Variants in PRKG1 observed in about 807,000 individuals in gnomAD.
PRKG1 encodes the protein protein kinase cGMP-dependent 1.
A neutral mutation model predicts 88.1 loss-of-function variants in PRKG1; 35 were observed. The ratio of observed to expected loss-of-function variants is 0.40; its 90% CI spans 0.30 to 0.53. The LOEUF is 0.53. Ranked by LOEUF, PRKG1 falls within the 20% of genes least tolerant of loss-of-function variation. The pLI is 0.59. For missense variants in PRKG1, 540 were observed against 839.8 expected (o/e 0.64, Z 4.41); for synonymous variants, 303 against 292.5 (o/e 1.04, Z -0.37).
intron 2 of PRKG1, among the ~76,000 whole-genome samples, chr10:51,313,469 C>T (rs1013175612): frequency 7.2e-5 from 11 of 152,038 alleles, no homozygotes; most frequent in African/African-American, 1.9e-4. Flanking sequence ...AAGATTAGAC[C>T]TCATTATCTG....
At chr10:52,205,290 C>T (rs973083851) in intron 9 of PRKG1, among the ~76,000 whole-genome samples, 3 of 152,156 alleles carry the variant, frequency 2.0e-5, no homozygotes, top group African/African-American at 7.2e-5. Context: ...TTCGTACACT[C>T]CCTCCCCTTT....
intron 2 of PRKG1, among the ~76,000 whole-genome samples, chr10:51,406,374 G>T (rs1837915569): frequency 6.6e-6 from 1 of 152,088 alleles, no homozygotes; most frequent in Non-Finnish European, 1.5e-5. Context: ...CTTCCTCATT[G>T]CTGTACTATC....
chr10:52,166,914 C>CAT (rs1838491133), intron 9 of PRKG1, among the ~76,000 whole-genome samples: 1 of 134,480 alleles, frequency 7.4e-6, no homozygotes, highest in Non-Finnish European at 1.6e-5. Flanking sequence ...CACACACACA[C>CAT]ACATATATAT....
At chr10:52,107,387 A>G (rs1346170759) in intron 7 of PRKG1, among the ~76,000 whole-genome samples, 1 of 152,174 alleles carries the variant, frequency 6.6e-6, no homozygotes, top group Non-Finnish European at 1.5e-5. Context: ...TAAATGTATA[A>G]TAAAATCTAA....
chr10:52,172,979 G>T (rs1838750770), intron 9 of PRKG1, among the ~76,000 whole-genome samples: 1 of 152,142 alleles, frequency 6.6e-6, no homozygotes, highest in African/African-American at 2.4e-5. Flanking sequence ...TTGGCTTTAG[G>T]CTTCTAAGAT....
intron 8 of PRKG1, among the ~76,000 whole-genome samples, chr10:52,155,732 GAC>G (rs146109771): frequency 4.7e-5 from 7 of 147,862 alleles, no homozygotes; most frequent in African/African-American, 7.4e-5. Context: ...ATTGCCATTG[GAC>G]ACACACACAC....
intron 3 of PRKG1, among the ~76,000 whole-genome samples, chr10:51,749,456 AAG>A (rs1284818169): frequency 6.6e-6 from 1 of 152,122 alleles, no homozygotes; most frequent in East Asian, 1.9e-4. Flanking sequence ...CTGGAAAGGA[AAG>A]AGATCACTCT....
At chr10:51,397,189 A>C (rs146616723) in intron 2 of PRKG1, among the ~76,000 whole-genome samples, 411 of 139,824 alleles carry the variant, frequency 2.9e-3, no homozygotes, top group African/African-American at 0.011. Flanking sequence ...TTCACTTCCT[A>C]CATTGTAGTC....
chr10:51,763,996 G>A (rs1838091817), intron 3 of PRKG1, among the ~76,000 whole-genome samples: 1 of 152,126 alleles, frequency 6.6e-6, no homozygotes, highest in African/African-American at 2.4e-5. Context: ...ATCCATTCAT[G>A]AAGTCAGAGC....
chr10:51,451,301 A>G (rs570847268), intron 2 of PRKG1, among the ~76,000 whole-genome samples: 130 of 151,668 alleles, frequency 8.6e-4, no homozygotes, highest in African/African-American at 3.1e-3. Flanking sequence ...TTTGGTGACA[A>G]TGTCCATAAT....
intron 4 of PRKG1, among the ~76,000 whole-genome samples, chr10:51,807,564 G>A (rs2154278): frequency 0.64 from 96,875 of 152,004 alleles, 31,117 homozygotes; most frequent in Middle Eastern, 0.71. Context: ...AATGAGAATG[G>A]GCAGTGATAG....
intron 2 of PRKG1, among the ~76,000 whole-genome samples, chr10:51,172,299 G>A (rs1837046280): frequency 1.3e-5 from 2 of 151,774 alleles, no homozygotes; most frequent in Admixed American, 6.6e-5. Flanking sequence ...AACTGTATTC[G>A]GGTTTAACAT....
chr10:50,992,958 C>T (rs567079136), intron 1 of PRKG1, among the ~76,000 whole-genome samples: 7 of 152,234 alleles, frequency 4.6e-5, no homozygotes, highest in Admixed American at 1.3e-4. Flanking sequence ...TCAGGGGACT[C>T]CTAAACTAGT....
chr10:51,570,732 A>G (rs996618625), intron 3 of PRKG1, among the ~76,000 whole-genome samples: 1 of 151,970 alleles, frequency 6.6e-6, no homozygotes, highest in African/African-American at 2.4e-5. Flanking sequence ...AAAATAGACT[A>G]TGATTTTCAC....
intron 3 of PRKG1, among the ~76,000 whole-genome samples, chr10:51,747,570 T>C (rs1837613070): frequency 6.6e-6 from 1 of 151,824 alleles, no homozygotes; most frequent in Admixed American, 6.6e-5. Flanking sequence ...TTAATGGCAG[T>C]TGGCAGAAAA....
chr10:51,682,162 C>T (rs1003167167), intron 3 of PRKG1, among the ~76,000 whole-genome samples: 1 of 152,152 alleles, frequency 6.6e-6, no homozygotes, highest in African/African-American at 2.4e-5. Flanking sequence ...GAGCTTGAAA[C>T]TTCTTGGGTC....
chr10:52,030,732 C>T (rs1564437923), intron 5 of PRKG1, among the ~76,000 whole-genome samples: 1 of 152,134 alleles, frequency 6.6e-6, no homozygotes. Flanking sequence ...CAATCAATCA[C>T]TGATGTGAAT....
chr10:51,109,944 G>A (rs530607534), intron 1 of PRKG1, among the ~76,000 whole-genome samples: 3 of 151,968 alleles, frequency 2.0e-5, no homozygotes, highest in Non-Finnish European at 4.4e-5. Context: ...CACCAAAGAG[G>A]ATATATGAAA....
rs1479914073 is a variant in PRKG1 at position 51,176,713 on chromosome 10, C to T, written c.478+23383C>T. ...ATCTAGAATGACTAGTGTCATTTGGCCAGGTGACAGACTAAGAGAAGAGCA... is the reference window on the plus strand; with the variant it reads ...ATCTAGAATGACTAGTGTCATTTGGTCAGGTGACAGACTAAGAGAAGAGCA... On this transcript the variant is annotated intron_variant, in intron 2 of 17. Transcript: ENST00000373980. Among the ~76,000 whole-genome samples the T allele has an allele frequency of 2.6e-5, 4 of 152,020 alleles. No homozygotes were observed. In the Middle Eastern group the frequency reaches 0.01, roughly 388 times the overall value.
Sources: gnomAD v4.1 joint callset for allele counts (sites outside exome capture counted in the v4.1 genomes callset) on GRCh38, gnomAD v4.1.1 for gene constraint, MANE v1.5 for transcripts, NCBI Gene and HGNC (gene_info 2026-07-23, HGNC 2026-07-21) for gene names.